THSD7A: variants seen among roughly 807,000 people sequenced by gnomAD.
THSD7A encodes thrombospondin type-1 domain-containing protein 7A.
A neutral mutation model predicts 231.3 loss-of-function variants in THSD7A; 96 were observed. The ratio of observed to expected loss-of-function variants is 0.41; its 90% CI spans 0.35 to 0.49. The LOEUF (loss-of-function observed/expected upper bound fraction) is 0.49, where lower values mean the gene tolerates loss of function less well. Ranked by LOEUF, THSD7A falls within the 20% of genes least tolerant of loss-of-function variation. The pLI is 0.05. For missense variants in THSD7A, 2,290 were observed against 2,070.2 expected (o/e 1.11, Z -2.06); for synonymous variants, 940 against 743.3 (o/e 1.26, Z -4.30).
intron 12 of THSD7A, 145 bp downstream of exon 12, chr7:11,447,085 A>C: frequency 1.3e-6 from 1 of 786,184 alleles, no homozygotes; most frequent in East Asian, 2.8e-5. Context: ...TAATGCTTTT[A>C]TCACTGCCAG....
At chr7:11,534,970 C>T (rs60743469) in intron 6 of THSD7A, among the ~76,000 whole-genome samples, 12,519 of 152,094 alleles carry the variant, frequency 0.082, 794 homozygotes, top group East Asian at 0.17. Flanking sequence ...ACAGTGAGAC[C>T]ACATCTCTAA....
intron 1 of THSD7A, among the ~76,000 whole-genome samples, chr7:11,639,202 T>C (rs144890308): frequency 6.6e-6 from 1 of 152,208 alleles, no homozygotes; most frequent in East Asian, 1.9e-4. Flanking sequence ...CTTCCTGATA[T>C]ATTATTTTTT....
chr7:11,803,512 TGA>T (rs1784329659), intron 1 of THSD7A, among the ~76,000 whole-genome samples: 2 of 151,982 alleles, frequency 1.3e-5, no homozygotes, highest in Admixed American at 1.3e-4. Flanking sequence ...GCTATGAGAT[TGA>T]GAGAGAGGAG....
intron 6 of THSD7A, among the ~76,000 whole-genome samples, chr7:11,496,822 T>G (rs534767464): frequency 2.6e-4 from 39 of 152,284 alleles, no homozygotes; most frequent in Admixed American, 7.2e-4. Context: ...TGAAAACATT[T>G]AGCCAACCAA....
intron 1 of THSD7A, among the ~76,000 whole-genome samples, chr7:11,733,311 G>A (rs1473723651): frequency 6.6e-6 from 1 of 151,822 alleles, no homozygotes; most frequent in Non-Finnish European, 1.5e-5. Context: ...TCATTTGATA[G>A]AAATTACATC....
At chr7:11,549,722 A>C (rs1181299050) in intron 4 of THSD7A, among the ~76,000 whole-genome samples, 3 of 152,154 alleles carry the variant, frequency 2.0e-5, no homozygotes, top group African/African-American at 7.2e-5. Flanking sequence ...GTAGAAGCTG[A>C]ACAATGAGGA....
chr7:11,791,645 C>G (rs1475709652), intron 1 of THSD7A, among the ~76,000 whole-genome samples: 1 of 151,794 alleles, frequency 6.6e-6, no homozygotes, highest in Non-Finnish European at 1.5e-5. Flanking sequence ...GTAAGAATTT[C>G]CTTAGACGAA....
intron 1 of THSD7A, among the ~76,000 whole-genome samples, chr7:11,706,630 CTTTTT>C (rs66964252): frequency 1.7e-4 from 11 of 66,390 alleles, no homozygotes; most frequent in East Asian, 1.3e-3. Context: ...TAACAAGGTG[CTTTTT>C]TTTTTTTTTT....
At position 11,398,477 on chromosome 7, in the gene THSD7A, G is replaced by C. The variant is rs565669577; in HGVS notation, c.4411+3318C>G. ...ATTGATGGGTGCAGCAAATCACCATGGCATGTGTATACCTGTGTAACAAAC... is the reference window on the plus strand; with the variant it reads ...ATTGATGGGTGCAGCAAATCACCATCGCATGTGTATACCTGTGTAACAAAC... On this transcript the variant is annotated intron_variant, in intron 23 of 27. Transcript: ENST00000423059. Among the ~76,000 whole-genome samples the C allele has an allele frequency of 4.6e-3, 694 of 151,988 alleles. 8 individuals are homozygous for C. The highest frequency in any genetic ancestry group is 0.016 in the African/African-American group (645 of 41,442).
intron 2 of THSD7A, among the ~76,000 whole-genome samples, chr7:11,633,658 G>A (rs1448841450): frequency 6.6e-6 from 1 of 152,022 alleles, no homozygotes; most frequent in Non-Finnish European, 1.5e-5. Flanking sequence ...CTGTGGTTTG[G>A]GACTGTAACC....
intron 7 of THSD7A, among the ~76,000 whole-genome samples, chr7:11,480,349 A>T (rs2128304401): frequency 6.6e-6 from 1 of 152,252 alleles, no homozygotes; most frequent in Middle Eastern, 3.4e-3. Flanking sequence ...GGGTGGGGTG[A>T]AAAGTCATTC....
At chr7:11,475,599 T>C (rs1028903016) in intron 7 of THSD7A, among the ~76,000 whole-genome samples, 75 of 112,012 alleles carry the variant, frequency 6.7e-4, no homozygotes, top group African/African-American at 1.9e-3. Flanking sequence ...GTATATAACA[T>C]ATATATAACA....
At chr7:11,758,971 CA>C (rs964552565) in intron 1 of THSD7A, among the ~76,000 whole-genome samples, 42 of 151,380 alleles carry the variant, frequency 2.8e-4, no homozygotes, top group Non-Finnish European at 4.7e-4. Flanking sequence ...TAAGCCTGGT[CA>C]AAAAAAACTT....
At chr7:11,484,001 T>A (rs1041407816) in intron 6 of THSD7A, among the ~76,000 whole-genome samples, 1 of 152,096 alleles carries the variant, frequency 6.6e-6, no homozygotes, top group Non-Finnish European at 1.5e-5. Flanking sequence ...TATGCTTTTT[T>A]CCGCACTCCC....
chr7:11,780,311 C>T (rs1397008053), intron 1 of THSD7A, among the ~76,000 whole-genome samples: 3 of 152,168 alleles, frequency 2.0e-5, no homozygotes, highest in African/African-American at 7.2e-5. Context: ...TTTCTTCCCA[C>T]ACTGAATAAG....
chr7:11,512,963 A>ATATATAT (rs1185122230), intron 6 of THSD7A, among the ~76,000 whole-genome samples: 21 of 141,410 alleles, frequency 1.5e-4, no homozygotes, highest in South Asian at 6.6e-4. Context: ...ATATATATGT[A>ATATATAT]AAATACTACT....
chr7:11,735,510 TA>T (rs1562516305), intron 1 of THSD7A, among the ~76,000 whole-genome samples: 1 of 151,898 alleles, frequency 6.6e-6, no homozygotes, highest in Non-Finnish European at 1.5e-5. Context: ...GAAACATAAA[TA>T]ATTTTTATGT....
intron 1 of THSD7A, among the ~76,000 whole-genome samples, chr7:11,772,104 T>C (rs1022007643): frequency 1.3e-5 from 2 of 152,112 alleles, no homozygotes; most frequent in East Asian, 1.9e-4. Context: ...CTTTAAGCAA[T>C]GTGAGAACAG....
At position 11,446,269 on chromosome 7, in the gene THSD7A, C is replaced by T. The variant is rs769827167; in HGVS notation, c.2856G>A (p.Glu952=). ...CKNSHLYPLI[E]TQYCPCDKYN... ...ATTTGTCACAAGGACAATACTGAGTCTCAATCAGGGGATACAAATGGGAAT... is the reference window on the plus strand; with the variant it reads ...ATTTGTCACAAGGACAATACTGAGTTTCAATCAGGGGATACAAATGGGAAT... Residue 952 remains glutamate (E), a synonymous_variant, in exon 13 of 28, where the codon GAG becomes GAA. Transcript: ENST00000423059. This position sits in a 1 kb window ranked among gnomAD's most constrained non-coding sequence, Gnocchi z 4.0. The T allele has an allele frequency of 1.2e-6, 2 of 1,613,270 alleles. No homozygotes were observed. The highest frequency in any genetic ancestry group is 2.2e-5 in the South Asian group (2 of 91,050).
Sources: gnomAD v4.1 joint callset for allele counts (sites outside exome capture counted in the v4.1 genomes callset) on GRCh38, gnomAD v4.1.1 for gene constraint, Gnocchi (gnomAD v3.1) non-coding constraint, MANE v1.5 for transcripts, NCBI Gene and HGNC (gene_info 2026-07-23, HGNC 2026-07-21) for gene names.